Variants in NFIB observed in about 807,000 individuals in gnomAD.
The protein encoded by NFIB is nuclear factor 1 B-type.
NFIB carries 11 observed loss-of-function variants against 61.5 expected under a neutral mutation model. The observed-to-expected ratio is 0.18, with a 90% confidence interval of 0.11 to 0.30. The LOEUF is 0.30. Ranked by LOEUF, NFIB falls within the 10% of genes least tolerant of loss-of-function variation. The pLI, the probability that NFIB is intolerant of heterozygous loss-of-function variation, is 1.00. For synonymous variants in NFIB, 260 were observed against 216.5 expected (o/e 1.20, Z -1.76); for missense variants, 471 against 608.9 (o/e 0.77, Z 2.38).
At chr9:14,521,100 G>C in the NFIB span, among the ~76,000 whole-genome samples, 2 of 152,212 alleles carry the variant, frequency 1.3e-5, no homozygotes, top group African/African-American at 4.8e-5. Flanking sequence ...TGATGCTTCT[G>C]CATTGACAGG....
intron 3 of NFIB, among the ~76,000 whole-genome samples, chr9:14,170,757 C>T (rs2045478216): frequency 6.6e-6 from 1 of 152,148 alleles, no homozygotes; most frequent in South Asian, 2.1e-4. Context: ...GACGTCTTTT[C>T]ACATGAGGAT....
At chr9:14,240,668 AC>A (rs530836240) in intron 2 of NFIB, among the ~76,000 whole-genome samples, 1 of 152,230 alleles carries the variant, frequency 6.6e-6, no homozygotes, top group African/African-American at 2.4e-5. Context: ...CGTTACAAAC[AC>A]TTGGCAGCAT....
chr9:14,331,550 C>T (rs967352902), intron 1 of NFIB, among the ~76,000 whole-genome samples: 2 of 152,294 alleles, frequency 1.3e-5, no homozygotes, highest in Admixed American at 6.5e-5. Context: ...GATTAAAGAA[C>T]TTATCAAGCT....
chr9:14,482,836 C>A, the NFIB span, among the ~76,000 whole-genome samples: 1 of 152,184 alleles, frequency 6.6e-6, no homozygotes, highest in Non-Finnish European at 1.5e-5. Flanking sequence ...CATATTTAAA[C>A]AGTTTAAAAA....
In NFIB at chr9:14,102,195, T is replaced by C. The variant is rs183243898; in HGVS notation, c.1467+10804A>G. Among the ~76,000 whole-genome samples, 1,018 of 152,306 alleles carry C rather than the reference T, an allele frequency of 6.7e-3. 9 individuals are homozygous for C. Among genetic ancestry groups the C allele is most frequent in the Middle Eastern group, 0.017 (5 of 294 alleles). On this transcript the variant is annotated intron_variant, in intron 10 of 10. Coordinates refer to ENST00000380953, the MANE Select transcript of NFIB (RefSeq NM_001190737.2). ...AGTATAAATTGTAGAAAACATTTTA[T>C]AGCATTTAAAAATTCCAATGATCAG...
rs536010639 is a variant in NFIB at position 14,205,348 on chromosome 9, C to T, written c.563-25568G>A. On this transcript the variant is annotated intron_variant, in intron 2 of 10. Coordinates refer to ENST00000380953, the MANE Select transcript of NFIB (RefSeq NM_001190737.2). ...GAAATGATGGAGACACTGCATGGAA[C>T]TAAAAATACATACTGATTTGTTCAT... is the stretch of plus-strand genomic sequence containing the variant. Among the ~76,000 whole-genome samples the T allele has an allele frequency of 6.1e-5, 9 of 147,514 alleles. No individual in the cohort carries two copies. In the South Asian group the frequency reaches 1.6e-3, roughly 26 times the overall value.
the NFIB span, among the ~76,000 whole-genome samples, chr9:14,511,331 A>G: frequency 6.6e-6 from 1 of 152,000 alleles, no homozygotes; most frequent in Admixed American, 6.5e-5. Context: ...TGATTACTTT[A>G]TAAAAGAATC....
Position 14,082,670 on chromosome 9 carries a change from T to TG in NFIB, c.*5638_*5639insC, listed in dbSNP as rs1402824001. The stretch of plus-strand genomic sequence containing the variant: ...GTTTTTTGGTAAACATTTTGCTGGT[T>TG]TTTTTTTTTTGTTTGTTTCTTTCTT... On this transcript the variant is annotated 3_prime_UTR_variant, in exon 11 of 11. Transcript: ENST00000380953. 3 of 195,976 alleles carry TG rather than the reference T, an allele frequency of 1.5e-5. No homozygotes were observed. The highest frequency in any genetic ancestry group is 3.1e-5 in the Non-Finnish European group (3 of 96,342). The allele number at this position is 195,976 out of a possible 1,614,324, so 12.1% of individuals were successfully genotyped here. A position where few individuals can be genotyped will look rare whatever the true frequency, so the allele number is the denominator to read the frequency against.
intron 2 of NFIB, among the ~76,000 whole-genome samples, chr9:14,266,151 C>G (rs549684055): frequency 4.8e-4 from 73 of 152,290 alleles, no homozygotes; most frequent in Admixed American, 7.8e-4. Context: ...AGAAGCAATC[C>G]CTTCCTTGAC....
chr9:14,386,157 T>G (rs1421904849), intron 1 of NFIB, among the ~76,000 whole-genome samples: 2 of 152,172 alleles, frequency 1.3e-5, no homozygotes, highest in African/African-American at 4.8e-5. Context: ...TCATTAGGTT[T>G]TTGAGTATAT....
intron 1 of NFIB, among the ~76,000 whole-genome samples, chr9:14,384,548 C>T (rs954049978): frequency 6.6e-6 from 1 of 152,110 alleles, no homozygotes; most frequent in Non-Finnish European, 1.5e-5. Context: ...AAAAAAGAAC[C>T]ATATGGTAAT....
At chr9:14,406,892 T>C in the NFIB span, among the ~76,000 whole-genome samples, 1 of 152,204 alleles carries the variant, frequency 6.6e-6, no homozygotes, top group Non-Finnish European at 1.5e-5. Context: ...CTCACCTTCT[T>C]TCCCTCAAAC....
chr9:14,518,071 A>G, the NFIB span, among the ~76,000 whole-genome samples: 1 of 152,244 alleles, frequency 6.6e-6, no homozygotes, highest in Non-Finnish European at 1.5e-5. Flanking sequence ...TACACTATAA[A>G]AAATTTTGAA....
At chr9:14,369,028 G>A (rs140450793) in intron 1 of NFIB, among the ~76,000 whole-genome samples, 1 of 152,284 alleles carries the variant, frequency 6.6e-6, no homozygotes, top group African/African-American at 2.4e-5. Context: ...CACTGTGCCT[G>A]ATACATAATA....
chr9:14,355,722 C>T (rs148919433), intron 1 of NFIB, among the ~76,000 whole-genome samples: 41 of 152,252 alleles, frequency 2.7e-4, no homozygotes, highest in Non-Finnish European at 1.2e-4. Context: ...TCTGGGAGGC[C>T]GAGGCAGGTG....
chr9:14,264,389 G>A (rs369046807), intron 2 of NFIB, among the ~76,000 whole-genome samples: 1 of 151,974 alleles, frequency 6.6e-6, no homozygotes, highest in African/African-American at 2.4e-5. Flanking sequence ...TCAAAAGTAC[G>A]TGCCCAATAA....
intron 2 of NFIB, among the ~76,000 whole-genome samples, chr9:14,257,720 C>A (rs955706880): frequency 6.6e-6 from 1 of 152,088 alleles, no homozygotes; most frequent in Admixed American, 6.5e-5. Flanking sequence ...CGCTTCACAG[C>A]ACTTTAGCCT....
intron 2 of NFIB, among the ~76,000 whole-genome samples, chr9:14,194,121 T>C (rs2048236419): frequency 6.6e-6 from 1 of 152,254 alleles, no homozygotes; most frequent in Admixed American, 6.5e-5. Context: ...TTTTAGTCAA[T>C]CTATGCCACA....
chr9:14,490,699 T>C, the NFIB span, among the ~76,000 whole-genome samples: 1 of 152,128 alleles, frequency 6.6e-6, no homozygotes. Flanking sequence ...AGGGAAGGAA[T>C]CTCAATTTCA....
Sources: gnomAD v4.1 joint callset for allele counts (sites outside exome capture counted in the v4.1 genomes callset) on GRCh38, gnomAD v4.1.1 for gene constraint, MANE v1.5 for transcripts, NCBI Gene and HGNC (gene_info 2026-07-23, HGNC 2026-07-21) for gene names.